The following DYNC2H1 variants were observed in gnomAD, a reference collection of about 807,000 sequenced individuals.
The protein encoded by DYNC2H1 is dynein cytoplasmic 2 heavy chain 1, also known as cytoplasmic dynein 2 heavy chain 1.
DYNC2H1 carries 410 observed loss-of-function variants against 570.0 expected under a neutral mutation model. The observed-to-expected ratio is 0.72, with a 90% CI of 0.66 to 0.78. DYNC2H1 has a LOEUF of 0.78. DYNC2H1 is among the 30% of genes least tolerant of loss of function. The probability of loss-of-function intolerance (pLI) is 0.00; values close to 1 mark genes in which losing one functional copy is unlikely to be tolerated. For synonymous variants in DYNC2H1, 1,688 were observed against 1,677.6 expected (o/e 1.01, Z -0.15); for missense variants, 4,865 against 5,046.4 (o/e 0.96, Z 1.09).
rs773273287 is a variant in DYNC2H1 at position 103,134,382 on chromosome 11, A to G, written c.2168A>G (p.Gln723Arg). The G allele has an allele frequency of 5.6e-6, 9 of 1,612,046 alleles. No homozygotes were observed. In the African/African-American group the frequency reaches 9.3e-5, roughly 17 times the overall value. Reference sequence around the variant, plus strand: ...CAACAGCGCTGGAAAGATGGATTACAAGAATTGAGAACTGGCTTAGCAACT... The same window carrying G: ...CAACAGCGCTGGAAAGATGGATTACGAGAATTGAGAACTGGCTTAGCAACT... Reference protein sequence around the residue: ...RQQQRWKDGLQELRTGLATVE... With the variant: ...RQQQRWKDGLRELRTGLATVE... The change falls in exon 15 of 89, where the codon CAA becomes CGA. Residue 723 changes from glutamine to arginine, a missense_variant. Gln to Arg is a conservative substitution (Grantham distance 43). This residue lies in a region of DYNC2H1 where 1,936 missense variants were observed against 1,962.1 expected (regional missense o/e 0.99). Transcript: ENST00000375735.
At chr11:103,154,328 A>G in intron 22 of DYNC2H1, 123 bp from the exon 23 acceptor site, 1 of 740,778 alleles carries the variant, frequency 1.3e-6, no homozygotes, top group Non-Finnish European at 2.0e-6. Flanking sequence ...TTGTATATCT[A>G]TTAAACATAC....
Position 103,373,193 on chromosome 11 carries a change from C to G in DYNC2H1, c.12156+14834C>G, listed in dbSNP as rs143649026. 4.3e-3 allele frequency among the ~76,000 whole-genome samples: 658 copies of G among 152,226 alleles called. 5 individuals carry two copies. The highest frequency in any genetic ancestry group is 0.02 in the South Asian group (97 of 4,818). ...CAGGCAGTCTGCCCATTTTGGCCTC[C>G]CAAAGTGCTGGGTTTACAGGCATGA... On this transcript the variant is annotated intron_variant, in intron 83 of 88. Transcript: ENST00000375735.
intron 22 of DYNC2H1, 54 bp downstream of exon 22, chr11:103,153,562 AT>A (rs1860673042): frequency 1.4e-6 from 2 of 1,409,612 alleles, no homozygotes; most frequent in Non-Finnish European, 9.6e-7. Flanking sequence ...CAATTTATAT[AT>A]CAAGCTAGTA....
At chr11:103,288,736 C>G (rs1440374627) in intron 75 of DYNC2H1, among the ~76,000 whole-genome samples, 1 of 140,266 alleles carries the variant, frequency 7.1e-6, no homozygotes, top group African/African-American at 2.6e-5. Context: ...GAAAGATTAG[C>G]CAGGCATGGT....
At chr11:103,279,798 C>T (rs867816402) in intron 70 of DYNC2H1, among the ~76,000 whole-genome samples, 5 of 152,208 alleles carry the variant, frequency 3.3e-5, no homozygotes, top group Middle Eastern at 3.4e-3. Flanking sequence ...TTTTAACTTT[C>T]TAAGTGATAA....
At chr11:103,430,941 G>A (rs1225962540) in intron 84 of DYNC2H1, among the ~76,000 whole-genome samples, 2 of 152,034 alleles carry the variant, frequency 1.3e-5, no homozygotes, top group African/African-American at 4.8e-5. Context: ...CTCTTTTATT[G>A]TTGATTTCCC....
At chr11:103,276,539 T>A (rs1157905344) in intron 70 of DYNC2H1, among the ~76,000 whole-genome samples, 1 of 152,086 alleles carries the variant, frequency 6.6e-6, no homozygotes, top group Non-Finnish European at 1.5e-5. Flanking sequence ...GATACAAGCT[T>A]ATTTTTAGAA....
At chr11:103,283,316 C>T (rs890814267) in intron 73 of DYNC2H1, among the ~76,000 whole-genome samples, 1 of 152,028 alleles carries the variant, frequency 6.6e-6, no homozygotes, top group Non-Finnish European at 1.5e-5. Flanking sequence ...TCTTTCTCTC[C>T]CTTCCCACCC....
chr11:103,271,640 C>T (rs1865713281), intron 70 of DYNC2H1, among the ~76,000 whole-genome samples: 4 of 152,232 alleles, frequency 2.6e-5, no homozygotes, highest in Admixed American at 2.0e-4. Flanking sequence ...TATCAGTTTA[C>T]TGTATATCAG....
At chr11:103,191,970 C>A in intron 46 of DYNC2H1, 127 bp from the exon 47 acceptor site, 1 of 694,302 alleles carries the variant, frequency 1.4e-6, no homozygotes, top group South Asian at 5.3e-5. Context: ...ACTTTTTTTC[C>A]TTTCTTCCAT....
rs1435827049 is a variant in DYNC2H1, at chr11:103,205,025, T to C, written c.8454+61T>C. On this transcript the variant is annotated intron_variant, in intron 52 of 88. Transcript: ENST00000375735. This position sits in a 1 kb window ranked among gnomAD's most constrained non-coding sequence, Gnocchi z 4.5. ...ATTTTATTTTTGAAGTTATTGATTT[T>C]CACAACTTCTCTTTGGTGTTGGTTA... The C allele has an allele frequency of 1.4e-6, 2 of 1,460,626 alleles. No homozygotes were observed. The highest frequency in any genetic ancestry group is 1.4e-5 in the African/African-American group (1 of 70,692). 90.5% of individuals were successfully genotyped at this position (1,460,626 alleles called of 1,614,324 possible). A position where few individuals can be genotyped will look rare whatever the true frequency, so the allele number is the denominator to read the frequency against.
intron 43 of DYNC2H1, 118 bp from the exon 44 acceptor site, chr11:103,188,379 T>G: frequency 3.0e-6 from 2 of 676,658 alleles, no homozygotes; most frequent in East Asian, 2.8e-5. Context: ...CTAAAATTCT[T>G]GAGTTAGATA....
At position 103,204,990 on chromosome 11, in the gene DYNC2H1, T is replaced by G. The variant is rs1263333076; in HGVS notation, c.8454+26T>G. 6.5e-7 allele frequency: 1 copy of G among 1,535,220 alleles called. No individual in the cohort carries two copies. Among genetic ancestry groups the G allele is most frequent in the Middle Eastern group, 1.7e-4 (1 of 5,872 alleles). ...GTAAGTTTAACAAATATTAAAAAAT[T>G]TAAAAGCACATTTTATTTTTGAAGT... On this transcript the variant is annotated intron_variant, in intron 52 of 88. Transcript: ENST00000375735. The surrounding 1 kb of genome is among the most constrained non-coding windows in gnomAD (Gnocchi z 4.1).
intron 10 of DYNC2H1, among the ~76,000 whole-genome samples, 162 bp downstream of exon 10, chr11:103,121,658 G>A (rs1430151591): frequency 6.6e-6 from 1 of 152,156 alleles, no homozygotes; most frequent in Non-Finnish European, 1.5e-5. Flanking sequence ...GTATGCAGAG[G>A]AGTCGTAATG....
intron 11 of DYNC2H1, among the ~76,000 whole-genome samples, chr11:103,123,814 C>T (rs1858847141): frequency 8.0e-6 from 1 of 125,580 alleles, no homozygotes; most frequent in South Asian, 2.9e-4. Flanking sequence ...CTTTGAAACC[C>T]CCTCCTCCTG....
rs1334753045 is a variant in DYNC2H1 at position 103,173,674 on chromosome 11, AC to A, written c.5558+370del. On this transcript the variant is annotated intron_variant, in intron 35 of 88. Transcript: ENST00000375735. ...GTCTTATTTCTAGTAATAGAAACTG[AC>A]ATTTAGCTTCTTTGGGACAATGTAC... is the stretch of plus-strand genomic sequence containing the variant. Among the ~76,000 whole-genome samples, 3 of 152,130 alleles carry A rather than the reference AC, an allele frequency of 2.0e-5. No individual in the cohort carries two copies. The East Asian group carries it at 5.8e-4, about 29-fold the overall frequency.
At chr11:103,361,287 T>TA (rs1262219100) in intron 83 of DYNC2H1, among the ~76,000 whole-genome samples, 1 of 152,170 alleles carries the variant, frequency 6.6e-6, no homozygotes, top group Non-Finnish European at 1.5e-5. Flanking sequence ...TCCAGAGGGA[T>TA]CCCTTACCCC....
intron 70 of DYNC2H1, among the ~76,000 whole-genome samples, chr11:103,279,730 A>G (rs1320236590): frequency 6.6e-6 from 1 of 152,132 alleles, no homozygotes; most frequent in Admixed American, 6.6e-5. Context: ...TTACCTGTGA[A>G]GTACTGGGTT....
chr11:103,380,463 G>T (rs542046554), intron 83 of DYNC2H1, among the ~76,000 whole-genome samples: 1 of 152,286 alleles, frequency 6.6e-6, no homozygotes, highest in African/African-American at 2.4e-5. Flanking sequence ...AAAGAGTACA[G>T]GTATTACAGT....
Sources: gnomAD v4.1 joint callset for allele counts (sites outside exome capture counted in the v4.1 genomes callset) on GRCh38, gnomAD v4.1.1 for gene constraint, gnomAD v4.1.1 regional missense constraint, Gnocchi (gnomAD v3.1) non-coding constraint, MANE v1.5 for transcripts, NCBI Gene and HGNC (gene_info 2026-07-23, HGNC 2026-07-21) for gene names.